The following FECH variants were observed in gnomAD, a reference collection of about 807,000 sequenced individuals.
The protein encoded by FECH is ferrochelatase, also known as ferrochelatase, mitochondrial.
Under a neutral mutation model 56.9 loss-of-function variants are expected in FECH, and 40 were observed. That is an observed-to-expected ratio of 0.70 (90% CI 0.55 to 0.92). FECH has a LOEUF of 0.92. Ranked by LOEUF, FECH falls within the 40% of genes least tolerant of loss-of-function variation. FECH has a pLI of 0.00. For missense variants in FECH, 431 were observed against 529.1 expected, an observed-to-expected ratio of 0.81 and a Z score of 1.82; for synonymous variants, 175 against 198.6, an observed-to-expected ratio of 0.88 and a Z score of 1.00.
intron 2 of FECH, among the ~76,000 whole-genome samples, chr18:57,574,057 T>A (rs977098717): frequency 6.6e-6 from 1 of 152,232 alleles, no homozygotes; most frequent in Admixed American, 6.5e-5. Flanking sequence ...CAGGCTGGAG[T>A]GCAGTGGTGC....
At chr18:57,551,074 C>T (rs2050791173) in intron 10 of FECH, 1 of 641,152 alleles carries the variant, frequency 1.6e-6, no homozygotes, top group South Asian at 1.9e-5. Context: ...ACCCTACCCA[C>T]TAGGCCTTTT....
In FECH at chr18:57,573,283, A is replaced by C. The variant is rs563583132; in HGVS notation, c.277T>G (p.Phe93Val). 6.2e-7 allele frequency: 1 copy of C among 1,613,998 alleles called. No individual in the cohort carries two copies. The highest frequency in any genetic ancestry group is 1.1e-5 in the South Asian group (1 of 91,082). ...GDVHDFLLRL[F>V]LDRDLMTLPI... ...AGTGTCATGAGGTCTCGGTCCAAGA[A>C]GAGTCTCAGAAGGAAGTCGTGAACA... Residue 93 changes from phenylalanine (F) to valine (V), a missense_variant, in exon 3 of 11, where the codon TTC becomes GTC. By Grantham distance (50) the Phe-to-Val change is conservative. Coordinates refer to ENST00000262093, the MANE Select transcript of FECH (RefSeq NM_000140.5).
At position 57,585,411 on chromosome 18, in the gene FECH, A is replaced by C. The variant is rs117785069; in HGVS notation, c.67+1143T>G. 3.0e-4 allele frequency among the ~76,000 whole-genome samples: 46 copies of C among 152,338 alleles called. No individual in the cohort carries two copies. The East Asian group carries it at 7.9e-3, about 26-fold the overall frequency. ...GTTTCACATATTGTTCCACGACCTC[A>C]AATCTAGGACCTGTCAGACTTTATT... On this transcript the variant is annotated intron_variant, in intron 1 of 10. Coordinates refer to ENST00000262093, the MANE Select transcript of FECH (RefSeq NM_000140.5).
chr18:57,585,603 C>T (rs1218137344), intron 1 of FECH, among the ~76,000 whole-genome samples: 1 of 152,146 alleles, frequency 6.6e-6, no homozygotes, highest in African/African-American at 2.4e-5. Context: ...CTAACAAAGG[C>T]ACGTCTAATG....
chr18:57,568,295 A>T (rs905647342), intron 4 of FECH, among the ~76,000 whole-genome samples: 7 of 152,202 alleles, frequency 4.6e-5, no homozygotes, highest in African/African-American at 1.7e-4. Flanking sequence ...AATCATGCAT[A>T]CTAAGAGGTA....
rs753963252 is a variant in FECH at position 57,571,401 on chromosome 18, G to A, written c.454C>T (p.Pro152Ser). The A allele has an allele frequency of 1.2e-6, 2 of 1,613,990 alleles. No individual in the cohort carries two copies. The highest frequency in any genetic ancestry group is 1.7e-6 in the Non-Finnish European group (2 of 1,179,988). Residue 152 changes from proline to serine, a missense_variant, in exon 4 of 11, where the codon CCC becomes TCC. Pro to Ser is a moderately conservative substitution (Grantham distance 74). Coordinates refer to ENST00000262093, the MANE Select transcript of FECH (RefSeq NM_000140.5). ...GMVKLLDELS[P>S]NTAPHKYYIG... ...TGAAGAAACACCATACCTGTGTTGG[G>A]GGACAATTCATCCAGCAGCTTCACC...
At chr18:57,579,726 G>A (rs1256320898) in intron 2 of FECH, among the ~76,000 whole-genome samples, 4 of 152,164 alleles carry the variant, frequency 2.6e-5, no homozygotes, top group Admixed American at 2.6e-4. Context: ...TCGTTATCCT[G>A]TACAGAACAT....
chr18:57,552,251 G>C (rs1448874707), intron 9 of FECH, among the ~76,000 whole-genome samples: 1 of 151,946 alleles, frequency 6.6e-6, no homozygotes, highest in Non-Finnish European at 1.5e-5. Flanking sequence ...TACCATCCCT[G>C]CTCCCGGCTC....
intron 6 of FECH, among the ~76,000 whole-genome samples, chr18:57,560,045 T>C (rs1466928012): frequency 1.3e-5 from 2 of 152,142 alleles, no homozygotes; most frequent in African/African-American, 4.8e-5. Flanking sequence ...ATTTAGCTTA[T>C]AAAAAAATGC....
In FECH at chr18:57,550,620, T is replaced by G. The variant is rs1053073168; in HGVS notation, c.*92A>C. On this transcript the variant is annotated 3_prime_UTR_variant, in exon 11 of 11. Transcript: ENST00000262093. ...GTATATATATCAAGGAAGGATGACT[T>G]CCTTCCTTGATCTCTAAATAACACC... 14 of 1,549,710 alleles carry G rather than the reference T, an allele frequency of 9.0e-6. No homozygotes were observed. The highest frequency in any genetic ancestry group is 1.2e-5 in the Non-Finnish European group (14 of 1,127,320).
chr18:57,554,249 G>C lies in FECH; in HGVS notation c.1077+11C>G. ...AGTCATGATGGGAAAAAGGCAGATGGGTGCATTTACCTCCTTGGCTAAAAC... is the reference window on the plus strand; with the variant it reads ...AGTCATGATGGGAAAAAGGCAGATGCGTGCATTTACCTCCTTGGCTAAAAC... On this transcript the variant is annotated intron_variant, in intron 9 of 10. Transcript: ENST00000262093. 1 of 1,614,082 alleles carries C rather than the reference G, an allele frequency of 6.2e-7. No individual in the cohort carries two copies. The highest frequency in any genetic ancestry group is 1.7e-5 in the Admixed American group (1 of 60,018).
intron 1 of FECH, among the ~76,000 whole-genome samples, chr18:57,581,375 A>G (rs1411619568): frequency 1.3e-5 from 2 of 152,196 alleles, no homozygotes; most frequent in Non-Finnish European, 2.9e-5. Context: ...TGGTCCTTAA[A>G]CAGCCAGTGA....
At chr18:57,572,320 C>G (rs991102085) in intron 3 of FECH, among the ~76,000 whole-genome samples, 1 of 151,798 alleles carries the variant, frequency 6.6e-6, no homozygotes, top group East Asian at 1.9e-4. Context: ...GGACAAAAAA[C>G]CAAACACCGC....
intron 5 of FECH, among the ~76,000 whole-genome samples, chr18:57,565,841 T>C (rs1447262325): frequency 6.6e-6 from 1 of 152,120 alleles, no homozygotes; most frequent in Non-Finnish European, 1.5e-5. Flanking sequence ...TTGCCTACAA[T>C]GAATGATACA....
intron 7 of FECH, among the ~76,000 whole-genome samples, chr18:57,556,676 T>C (rs969240591): frequency 6.6e-6 from 1 of 152,036 alleles, no homozygotes; most frequent in Admixed American, 6.6e-5. Flanking sequence ...TTTGGGAGGC[T>C]GAGGTGGGTG....
chr18:57,581,433 C>T (rs998573918), intron 1 of FECH, among the ~76,000 whole-genome samples: 4 of 152,180 alleles, frequency 2.6e-5, no homozygotes, highest in African/African-American at 4.8e-5. Flanking sequence ...CCATGTGAGA[C>T]GGTGGTTACT....
chr18:57,554,229 T>C (rs753212968), intron 9 of FECH, 31 bp downstream of exon 9: 1 of 1,613,778 alleles, frequency 6.2e-7, no homozygotes, highest in South Asian at 1.1e-5. Flanking sequence ...AAACAAGTCA[T>C]GATGGGAAAA....
Position 57,569,773 on chromosome 18 carries a change from C to G in FECH, c.463+1619G>C, listed in dbSNP as rs368422842. On this transcript the variant is annotated intron_variant, in intron 4 of 10. Coordinates refer to ENST00000262093, the MANE Select transcript of FECH (RefSeq NM_000140.5). ...AACATAAAAACAGGAAAAATGGGAACCTTTCTGCCTCCTCTTCCCACGAGA... is the reference window on the plus strand; with the variant it reads ...AACATAAAAACAGGAAAAATGGGAAGCTTTCTGCCTCCTCTTCCCACGAGA... 4.6e-5 allele frequency among the ~76,000 whole-genome samples: 7 copies of G among 152,148 alleles called. No homozygotes were observed. The East Asian group carries it at 1.4e-3, about 29-fold the overall frequency.
rs1294664602 is a variant in FECH, at chr18:57,550,101, C to T, written c.*611G>A. 1 of 153,144 alleles carries T rather than the reference C, an allele frequency of 6.5e-6. No individual in the cohort carries two copies. The allele number at this position is 153,144 out of a possible 1,614,324, so 9.5% of individuals were successfully genotyped here. The stretch of plus-strand genomic sequence containing the variant: ...GCACCTCTGAAATCCATACTTGATT[C>T]CTTTTTACATTGAGGAAAGTGAGAT... On this transcript the variant is annotated 3_prime_UTR_variant, in exon 11 of 11. Transcript: ENST00000262093.
Sources: allele counts gnomAD v4.1 joint callset (sites outside exome capture counted in the v4.1 genomes callset), GRCh38; gene constraint gnomAD v4.1.1; transcripts MANE v1.5; gene names NCBI Gene and HGNC (gene_info 2026-07-23, HGNC 2026-07-21).